The following SLC8A1 variants were observed in gnomAD, a reference collection of about 807,000 sequenced individuals.
SLC8A1 encodes the protein solute carrier family 8 member A1.
In SLC8A1, 18 loss-of-function variants were observed where a neutral mutation model predicts 68.3. The ratio of observed to expected loss-of-function variants is 0.26; its 90% CI spans 0.18 to 0.39. The LOEUF (loss-of-function observed/expected upper bound fraction) is 0.39, where lower values mean the gene tolerates loss of function less well. Ranked by LOEUF, SLC8A1 falls within the 10% of genes least tolerant of loss-of-function variation. The pLI, the probability that SLC8A1 is intolerant of heterozygous loss-of-function variation, is 1.00. For synonymous variants in SLC8A1, 475 were observed against 415.5 expected (o/e 1.14, Z -1.74); for missense variants, 985 against 1,156.7 (o/e 0.85, Z 2.15).
chr2:40,392,100 C>T (rs1472279467), intron 2 of SLC8A1, among the ~76,000 whole-genome samples: 1 of 123,774 alleles, frequency 8.1e-6, no homozygotes, highest in South Asian at 2.5e-4. Context: ...AAAAAGAAAG[C>T]GAGAATGAAC....
intron 2 of SLC8A1, among the ~76,000 whole-genome samples, chr2:40,379,386 C>T (rs561304930): frequency 6.6e-6 from 1 of 152,170 alleles, no homozygotes; most frequent in African/African-American, 2.4e-5. Flanking sequence ...TTCAATTTTT[C>T]ATATGATTTT....
intron 2 of SLC8A1, chr2:40,213,282 C>T (rs1001874945): frequency 6.6e-6 from 1 of 152,132 alleles, no homozygotes; most frequent in Non-Finnish European, 1.5e-5. Flanking sequence ...AGAGCTGTAT[C>T]CACTGTCCAC....
chr2:40,356,749 T>C (rs968452681), intron 2 of SLC8A1, among the ~76,000 whole-genome samples: 8 of 152,194 alleles, frequency 5.3e-5, no homozygotes, highest in African/African-American at 9.6e-5. Flanking sequence ...TCTACTTAAA[T>C]CGGCCTGCTT....
rs750953028 is a variant in SLC8A1 at position 40,219,820 on chromosome 2, C to T, written c.1809-41965G>A. 7.5e-3 allele frequency among the ~76,000 whole-genome samples: 190 copies of T among 25,334 alleles called. 55 individuals are homozygous for T. Among genetic ancestry groups the T allele is most frequent in the Non-Finnish European group, 0.019 (147 of 7,588 alleles). 16.6% of individuals were successfully genotyped at this position (25,334 alleles called of 152,430 possible). A position where few individuals can be genotyped will look rare whatever the true frequency, so the allele number is the denominator to read the frequency against. On this transcript the variant is annotated intron_variant, in intron 2 of 7. Transcript: ENST00000406785. ...AGAGAGATGTGCTTTGTTTGCTATG[C>T]ATGAGATTGCTTGAAAAATGTGATT... is the stretch of plus-strand genomic sequence containing the variant.
intron 2 of SLC8A1, among the ~76,000 whole-genome samples, chr2:40,317,115 T>C (rs183397355): frequency 4.3e-4 from 66 of 152,164 alleles, no homozygotes; most frequent in East Asian, 4.1e-3. Context: ...TAAGATTGCA[T>C]AATATGTTAC....
chr2:40,178,440 G>T lies in SLC8A1; in HGVS notation c.1809-585C>A, dbSNP rs139373595. 1.9e-6 allele frequency: 3 copies of T among 1,613,926 alleles called. No homozygotes were observed. Among genetic ancestry groups the T allele is most frequent in the South Asian group, 1.1e-5 (1 of 91,062 alleles). On this transcript the variant is annotated intron_variant, in intron 2 of 7. Transcript: ENST00000406785. ...GGGCTCTCCAATCTCAAGGAAGAAG[G>T]TCTTGTTTTTCTCATACTCCTCATC... is the stretch of plus-strand genomic sequence containing the variant.
intron 2 of SLC8A1, among the ~76,000 whole-genome samples, chr2:40,201,926 G>A (rs187023370): frequency 6.6e-6 from 1 of 151,912 alleles, no homozygotes; most frequent in African/African-American, 2.4e-5. Context: ...ATATCTATGT[G>A]CCTCTTTGCA....
intron 2 of SLC8A1, among the ~76,000 whole-genome samples, chr2:40,194,015 C>G (rs535611791): frequency 2.0e-5 from 3 of 152,106 alleles, no homozygotes; most frequent in Non-Finnish European, 4.4e-5. Context: ...GAAATGCTTT[C>G]TCTGAGTTCC....
intron 2 of SLC8A1, among the ~76,000 whole-genome samples, chr2:40,193,787 ATAT>A (rs2052373599): frequency 6.6e-6 from 1 of 152,078 alleles, no homozygotes; most frequent in African/African-American, 2.4e-5. Context: ...TGTGGAGAAG[ATAT>A]TATCTCCTGG....
intron 1 of SLC8A1, among the ~76,000 whole-genome samples, chr2:40,479,756 A>G (rs1187779373): frequency 3.3e-5 from 5 of 152,210 alleles, no homozygotes; most frequent in African/African-American, 4.8e-5. Context: ...GCATCTTAAC[A>G]TTCCTGGATT....
At chr2:40,255,663 T>A (rs1574811827) in intron 2 of SLC8A1, among the ~76,000 whole-genome samples, 1 of 152,128 alleles carries the variant, frequency 6.6e-6, no homozygotes, top group Admixed American at 6.5e-5. Flanking sequence ...TTGTGGAAAA[T>A]AAATACGTGC....
intron 2 of SLC8A1, among the ~76,000 whole-genome samples, chr2:40,303,898 A>G (rs978683030): frequency 6.6e-6 from 1 of 152,146 alleles, no homozygotes; most frequent in East Asian, 1.9e-4. Flanking sequence ...TTTTCCTCTA[A>G]CCACCACAGT....
chr2:40,201,665 G>A (rs2054383294), intron 2 of SLC8A1, among the ~76,000 whole-genome samples: 1 of 151,854 alleles, frequency 6.6e-6, no homozygotes, highest in African/African-American at 2.4e-5. Context: ...GTAAACCATG[G>A]CAGAGAGTCA....
rs138774003 is a variant in SLC8A1, at chr2:40,241,037, G to T, written c.1809-63182C>A. Among the ~76,000 whole-genome samples, 392 of 152,220 alleles carry T rather than the reference G, an allele frequency of 2.6e-3. 2 individuals carry two copies. Among genetic ancestry groups the T allele is most frequent in the African/African-American group, 8.7e-3 (363 of 41,534 alleles). The stretch of plus-strand genomic sequence containing the variant: ...GAAAATAAATCATTCTACCAAAAAG[G>T]CACATGGACTTGCACGTTCATCACT... On this transcript the variant is annotated intron_variant, in intron 2 of 7. Coordinates refer to ENST00000406785, the Ensembl canonical transcript of SLC8A1.
chr2:40,209,872 C>T (rs1296945762), intron 2 of SLC8A1: 2 of 152,388 alleles, frequency 1.3e-5, no homozygotes, highest in Non-Finnish European at 1.5e-5. Flanking sequence ...ACTGAAGTAG[C>T]TAAGACAGTG....
chr2:40,211,934 C>T (rs2056651897), intron 2 of SLC8A1, among the ~76,000 whole-genome samples: 1 of 152,200 alleles, frequency 6.6e-6, no homozygotes, highest in Non-Finnish European at 1.5e-5. Context: ...AAATAGGGAA[C>T]AGCATCACTA....
intron 2 of SLC8A1, among the ~76,000 whole-genome samples, chr2:40,356,727 C>T (rs960172252): frequency 6.6e-6 from 1 of 152,140 alleles, no homozygotes; most frequent in African/African-American, 2.4e-5. Flanking sequence ...CTAAGGGAGA[C>T]AAGCACTTAT....
At chr2:40,458,391 C>A (rs1232376417) in intron 1 of SLC8A1, among the ~76,000 whole-genome samples, 1 of 151,992 alleles carries the variant, frequency 6.6e-6, no homozygotes, top group Non-Finnish European at 1.5e-5. Context: ...TATTCCTCAG[C>A]ATCTAGAGCA....
chr2:40,276,243 C>T (rs1448309833), intron 2 of SLC8A1, among the ~76,000 whole-genome samples: 3 of 152,104 alleles, frequency 2.0e-5, no homozygotes, highest in Admixed American at 6.5e-5. Flanking sequence ...AGACAGAGGA[C>T]CTTCTGATGT....
Sources: allele counts gnomAD v4.1 joint callset (sites outside exome capture counted in the v4.1 genomes callset), GRCh38; gene constraint gnomAD v4.1.1; transcripts MANE v1.5; gene names NCBI Gene and HGNC (gene_info 2026-07-23, HGNC 2026-07-21).